Variants in DST observed in about 807,000 individuals in gnomAD.
The protein encoded by DST is bullous pemphigoid antigen.
A neutral mutation model predicts 875.2 loss-of-function variants in DST; 253 were observed. The ratio of observed to expected loss-of-function variants is 0.29; its 90% CI spans 0.26 to 0.32. The LOEUF (loss-of-function observed/expected upper bound fraction) is 0.32. DST is among the 10% of genes least tolerant of loss of function. DST has a pLI of 1.00. For synonymous variants in DST, 3,124 were observed against 3,197.1 expected (o/e 0.98, Z 0.77); for missense variants, 8,287 against 9,111.6 (o/e 0.91, Z 3.68).
rs890080195 is a variant in DST at position 56,561,237 on chromosome 6, T to C, written c.14310+71A>G. On this transcript the variant is annotated intron_variant, in intron 57 of 103. Coordinates refer to ENST00000680361, the MANE Select transcript of DST (RefSeq NM_001374736.1). Reference sequence around the variant, plus strand: ...AAGAAAACAGAGCAGAGCTTCTGACTACCAGAGCTCCGTTCCAACTGCTAA... The same window carrying C: ...AAGAAAACAGAGCAGAGCTTCTGACCACCAGAGCTCCGTTCCAACTGCTAA... The C allele has an allele frequency of 1.1e-5, 16 of 1,474,450 alleles. No individual in the cohort carries two copies. In the Admixed American group the frequency reaches 3.6e-4, roughly 33 times the overall value. 91.3% of individuals were successfully genotyped at this position (1,474,450 alleles called of 1,614,324 possible).
In DST at chr6:56,492,400, G is replaced by A; in HGVS notation, c.20584C>T (p.Gln6862Ter). 1 of 1,613,438 alleles carries A rather than the reference G, an allele frequency of 6.2e-7. No homozygotes were observed. Among genetic ancestry groups the A allele is most frequent in the Non-Finnish European group, 8.5e-7 (1 of 1,179,756 alleles). The change falls in exon 85 of 104, where the codon CAG becomes TAG. Residue 6862 changes from glutamine (Q) to a stop codon, truncating the protein, a stop_gained. Coordinates refer to ENST00000680361, the MANE Select transcript of DST (RefSeq NM_001374736.1). LOFTEE classifies it high-confidence loss of function. ...CCAGTTTTGTCCAGCTCTATTATCTGCTCACGATGAGAATTTACTTCATTG... is the reference window on the plus strand; with the variant it reads ...CCAGTTTTGTCCAGCTCTATTATCTACTCACGATGAGAATTTACTTCATTG... ...FANEVNSHREQIIELDKTGTH... is the reference protein window; with the variant it reads ...FANEVNSHRE
intron 36 of DST, chr6:56,619,116 GCT>G (rs752018805): frequency 1.2e-6 from 2 of 1,613,334 alleles, no homozygotes; most frequent in Non-Finnish European, 1.7e-6. Flanking sequence ...TGAAAATCCT[GCT>G]CTGTTTTTGT....
intron 2 of DST, among the ~76,000 whole-genome samples, chr6:56,934,560 T>TTTTATATATATATATATATATA (rs869186436): frequency 0.012 from 1,258 of 106,374 alleles, 79 homozygotes; most frequent in Middle Eastern, 0.038. Context: ...ATATATTATA[T>TTTTATATATATATATATATATA]TATATATATA....
At chr6:56,876,608 C>T (rs1010482050) in intron 3 of DST, among the ~76,000 whole-genome samples, 10 of 152,238 alleles carry the variant, frequency 6.6e-5, no homozygotes, top group African/African-American at 2.4e-4. Context: ...CAAGTCCACC[C>T]TCTATCTTGG....
chr6:56,817,477 G>A (rs952051558), intron 4 of DST, among the ~76,000 whole-genome samples: 2 of 151,894 alleles, frequency 1.3e-5, no homozygotes, highest in Non-Finnish European at 2.9e-5. Context: ...GATACTGTGG[G>A]GAAAAAAAGT....
At chr6:56,824,595 G>A (rs1591237595) in intron 4 of DST, among the ~76,000 whole-genome samples, 2 of 152,050 alleles carry the variant, frequency 1.3e-5, no homozygotes, top group East Asian at 3.9e-4. Flanking sequence ...CGTCTGAGAT[G>A]TGGGAAGCGC....
At chr6:56,945,097 T>C (rs1029110164) in intron 2 of DST, among the ~76,000 whole-genome samples, 11 of 152,264 alleles carry the variant, frequency 7.2e-5, no homozygotes, top group Non-Finnish European at 1.2e-4. Context: ...CTTCTTGTTA[T>C]GAGAGAATAG....
intron 35 of DST, 118 bp from the exon 36 acceptor site, chr6:56,624,746 C>T: frequency 5.6e-6 from 4 of 711,322 alleles, no homozygotes; most frequent in Admixed American, 2.1e-5. Context: ...ACACAACTCC[C>T]CCCATAATAA....
intron 43 of DST, among the ~76,000 whole-genome samples, chr6:56,602,184 G>GAA (rs368700864): frequency 9.7e-5 from 9 of 92,986 alleles, no homozygotes; most frequent in South Asian, 3.3e-4. Context: ...TAAGAACTTA[G>GAA]AAAAAAAAAA....
chr6:56,692,442 G>A (rs569486454), intron 9 of DST: 2 of 1,289,342 alleles, frequency 1.6e-6, no homozygotes, highest in Middle Eastern at 2.1e-4. Context: ...AAAGGGAATG[G>A]CATCTCTTTT....
chr6:56,808,803 CTAA>C (rs1336243956), intron 4 of DST, among the ~76,000 whole-genome samples: 1 of 152,132 alleles, frequency 6.6e-6, no homozygotes, highest in Non-Finnish European at 1.5e-5. Flanking sequence ...GGAGCACAAG[CTAA>C]TAATAGAAAC....
intron 4 of DST, among the ~76,000 whole-genome samples, chr6:56,740,103 G>A (rs574977344): frequency 3.3e-5 from 5 of 152,222 alleles, no homozygotes; most frequent in Admixed American, 2.0e-4. Context: ...TGATCCTCCC[G>A]CCTCGGCCTC....
chr6:56,650,532 G>C (rs1177344229), intron 12 of DST, among the ~76,000 whole-genome samples: 1 of 152,062 alleles, frequency 6.6e-6, no homozygotes, highest in South Asian at 2.1e-4. Flanking sequence ...TTATTTCATA[G>C]AATCGTATGA....
intron 4 of DST, among the ~76,000 whole-genome samples, chr6:56,772,114 A>G (rs1044291561): frequency 2.0e-5 from 3 of 152,350 alleles, no homozygotes; most frequent in East Asian, 3.9e-4. Context: ...AGGATTGAGT[A>G]ATGCCAAGAA....
intron 3 of DST, chr6:56,871,279 G>C: frequency 1.3e-6 from 1 of 784,796 alleles, no homozygotes; most frequent in East Asian, 2.4e-5. Flanking sequence ...AAGAACACTC[G>C]TGAAACTGCC....
At chr6:56,543,117 G>A (rs1379785484) in intron 61 of DST, among the ~76,000 whole-genome samples, 1 of 152,172 alleles carries the variant, frequency 6.6e-6, no homozygotes, top group Non-Finnish European at 1.5e-5. Context: ...ACCTGGCACC[G>A]GGAGATCCGC....
intron 2 of DST, among the ~76,000 whole-genome samples, chr6:56,950,260 C>A (rs528318945): frequency 6.0e-4 from 92 of 152,298 alleles, no homozygotes; most frequent in African/African-American, 2.1e-3. Flanking sequence ...ACACTCTTCT[C>A]CTTCCTTATG....
chr6:56,681,576 T>C (rs938662184), intron 9 of DST, among the ~76,000 whole-genome samples: 2 of 152,232 alleles, frequency 1.3e-5, no homozygotes, highest in South Asian at 4.1e-4. Context: ...ACTCCACTCA[T>C]ACTGGTATAA....
chr6:56,693,219 C>T, intron 9 of DST: 1 of 1,208,476 alleles, frequency 8.3e-7, no homozygotes, highest in Non-Finnish European at 1.0e-6. Flanking sequence ...TAGATCCTCT[C>T]CATTAAGTCT....
Sources: gnomAD v4.1 joint callset for allele counts (sites outside exome capture counted in the v4.1 genomes callset) on GRCh38, gnomAD v4.1.1 for gene constraint, MANE v1.5 for transcripts, NCBI Gene and HGNC (gene_info 2026-07-23, HGNC 2026-07-21) for gene names.